CLXN: variants seen among roughly 807,000 people sequenced by gnomAD.
CLXN encodes the protein EF-hand calcium binding domain 1.
At chr8:48,729,201 T>C in the CLXN span, 1 of 1,409,472 alleles carries the variant, frequency 7.1e-7, no homozygotes, top group East Asian at 2.3e-5. Context: ...TGCAAATACA[T>C]GCTCTTTTCA....
chr8:48,725,736 G>A, the CLXN span, among the ~76,000 whole-genome samples: 5 of 152,120 alleles, frequency 3.3e-5, no homozygotes, highest in African/African-American at 7.2e-5. Flanking sequence ...CCTGGGAGGC[G>A]GAGGTTGCGG....
At chr8:48,714,087 C>T in the CLXN span, 2 of 152,194 alleles carry the variant, frequency 1.3e-5, no homozygotes, top group African/African-American at 2.4e-5. Context: ...ACCCACCCCC[C>T]CGACAAACCC....
At chr8:48,714,437 T>A in the CLXN span, among the ~76,000 whole-genome samples, 1 of 152,190 alleles carries the variant, frequency 6.6e-6, no homozygotes, top group South Asian at 2.1e-4. Flanking sequence ...ATTCTTACAG[T>A]CAAGTGCCAC....
chr8:48,733,228 G>A, the CLXN span, among the ~76,000 whole-genome samples: 1 of 152,262 alleles, frequency 6.6e-6, no homozygotes, highest in East Asian at 1.9e-4. Flanking sequence ...TGGTAGCAGA[G>A]GGGATGTTGG....
At chr8:48,735,198 C>A in the CLXN span, 3 of 1,609,628 alleles carry the variant, frequency 1.9e-6, no homozygotes, top group Non-Finnish European at 2.5e-6. Context: ...TCTGGGCGCG[C>A]GGCTACCGAG....
At chr8:48,730,604 A>T in the CLXN span, 2 of 1,611,726 alleles carry the variant, frequency 1.2e-6, no homozygotes, top group African/African-American at 2.7e-5. Context: ...ACTCCAATAC[A>T]TTTACACAGC....
the CLXN span, chr8:48,715,232 T>C: frequency 6.6e-6 from 1 of 152,140 alleles, no homozygotes; most frequent in Admixed American, 6.6e-5. Flanking sequence ...TCCTTTGTAA[T>C]CAGAAAAATT....
chr8:48,711,101 T>C, the CLXN span: 1 of 152,150 alleles, frequency 6.6e-6, no homozygotes, highest in Admixed American at 6.6e-5. Flanking sequence ...TCAAATCTGG[T>C]ACAAATCCCA....
At chr8:48,735,029 G>A in the CLXN span, 6 of 1,579,732 alleles carry the variant, frequency 3.8e-6, no homozygotes, top group South Asian at 1.1e-5. Flanking sequence ...GCGGACCTTA[G>A]CACGGGGTGG....
At chr8:48,710,963 CA>C in the CLXN span, 2 of 152,134 alleles carry the variant, frequency 1.3e-5, no homozygotes, top group Non-Finnish European at 2.9e-5. Flanking sequence ...TGGTTCCTAC[CA>C]ACCTATAATC....
chr8:48,727,214 TCATCCATCCATCCATC>T, the CLXN span, among the ~76,000 whole-genome samples: 14 of 111,302 alleles, frequency 1.3e-4, no homozygotes, highest in Admixed American at 2.0e-4. Flanking sequence ...ATCTATCCAC[TCATCCATCCATCCATC>T]CATCCATCCA....
At chr8:48,728,921 T>C in the CLXN span, 3 of 617,662 alleles carry the variant, frequency 4.9e-6, no homozygotes, top group South Asian at 7.4e-5. Flanking sequence ...GCTTTCTGTA[T>C]TTAAAAGGTA....
the CLXN span, among the ~76,000 whole-genome samples, chr8:48,722,860 G>A: frequency 6.6e-6 from 1 of 152,002 alleles, no homozygotes; most frequent in South Asian, 2.1e-4. Context: ...GAACCTGGAG[G>A]ACATTATGCT....
At chr8:48,728,390 T>C in the CLXN span, among the ~76,000 whole-genome samples, 2 of 152,190 alleles carry the variant, frequency 1.3e-5, no homozygotes, top group Non-Finnish European at 2.9e-5. Flanking sequence ...CCAGTTACTC[T>C]GATAAGCTTC....
the CLXN span, among the ~76,000 whole-genome samples, chr8:48,720,549 C>G: frequency 1.3e-5 from 2 of 152,118 alleles, no homozygotes; most frequent in African/African-American, 4.8e-5. Flanking sequence ...TGTGGTCAGA[C>G]GGGTTCTCTG....
chr8:48,729,651 G>A, the CLXN span: 11 of 1,366,198 alleles, frequency 8.1e-6, no homozygotes, highest in East Asian at 2.1e-4. Flanking sequence ...ATAATAATTT[G>A]AATTCTTATT....
the CLXN span, among the ~76,000 whole-genome samples, chr8:48,717,782 G>T: frequency 6.6e-6 from 1 of 152,258 alleles, no homozygotes; most frequent in South Asian, 2.1e-4. Flanking sequence ...TATGGTTTTT[G>T]TGTGTGATCA....
chr8:48,724,641 C>T, the CLXN span: 1 of 899,172 alleles, frequency 1.1e-6, no homozygotes, highest in South Asian at 2.0e-5. Flanking sequence ...CACCCTGAAA[C>T]ACACAATTCA....
chr8:48,720,426 C>T, the CLXN span, among the ~76,000 whole-genome samples: 82 of 152,120 alleles, frequency 5.4e-4, 1 homozygote, highest in Middle Eastern at 3.4e-3. Flanking sequence ...TATAAATGGC[C>T]GCTCTAGGAA....
Sources: gnomAD v4.1 joint callset for allele counts (sites outside exome capture counted in the v4.1 genomes callset) on GRCh38, gnomAD v4.1.1 for gene constraint, MANE v1.5 for transcripts, NCBI Gene and HGNC (gene_info 2026-07-23, HGNC 2026-07-21) for gene names.